Variants in MICAL3 observed in about 807,000 individuals in gnomAD.
MICAL3 encodes the protein microtubule associated monooxygenase, calponin and LIM domain containing 3, also known as [F-actin]-monooxygenase MICAL3.
In MICAL3, 62 loss-of-function variants were observed where a neutral mutation model predicts 207.4. The ratio of observed to expected loss-of-function variants is 0.30; its 90% CI spans 0.24 to 0.37. MICAL3 has a LOEUF of 0.37. MICAL3 is among the 10% of genes least tolerant of loss of function. The pLI, the probability that MICAL3 is intolerant of heterozygous loss-of-function variation, is 1.00. For missense variants in MICAL3, 2,368 were observed against 2,635.6 expected, an observed-to-expected ratio of 0.90 and a Z score of 2.22; for synonymous variants, 1,077 against 1,069.3, an observed-to-expected ratio of 1.01 and a Z score of -0.14.
At chr22:17,794,632 G>C (rs2061857009) in intron 29 of MICAL3, among the ~76,000 whole-genome samples, 1 of 152,174 alleles carries the variant, frequency 6.6e-6, no homozygotes, top group Non-Finnish European at 1.5e-5. Flanking sequence ...TTTCCTTCTG[G>C]CCCTTCTATG....
intron 29 of MICAL3, among the ~76,000 whole-genome samples, chr22:17,801,009 AC>A (rs1263776159): frequency 6.6e-6 from 1 of 152,170 alleles, no homozygotes; most frequent in African/African-American, 2.4e-5. Flanking sequence ...GGTGGGCAGA[AC>A]CCGAGAAGTC....
At chr22:17,863,109 C>G in intron 19 of MICAL3, 14 of 984,904 alleles carry the variant, frequency 1.4e-5, no homozygotes, top group Non-Finnish European at 1.7e-5. Context: ...TTCTTTAGAA[C>G]TCCTAAAAAC....
At chr22:17,950,632 C>T (rs919161561) in intron 1 of MICAL3, among the ~76,000 whole-genome samples, 1 of 152,132 alleles carries the variant, frequency 6.6e-6, no homozygotes, top group Non-Finnish European at 1.5e-5. Context: ...CCACTGCGCC[C>T]GGCCAGCTGT....
intron 22 of MICAL3, among the ~76,000 whole-genome samples, chr22:17,826,138 TCAACA>T (rs1345799628): frequency 6.6e-6 from 1 of 152,246 alleles, no homozygotes; most frequent in African/African-American, 2.4e-5. Flanking sequence ...CACCTCATTC[TCAACA>T]CATTTTAAAA....
intron 1 of MICAL3, among the ~76,000 whole-genome samples, chr22:18,010,717 G>A (rs776081920): frequency 1.8e-4 from 28 of 152,170 alleles, no homozygotes; most frequent in Non-Finnish European, 2.8e-4. Flanking sequence ...CCTCACTGCC[G>A]GGAGGTGGAG....
intron 21 of MICAL3, among the ~76,000 whole-genome samples, chr22:17,830,302 A>G (rs2146039645): frequency 6.6e-6 from 1 of 152,328 alleles, no homozygotes; most frequent in South Asian, 2.1e-4. Context: ...CGCTAGGGAC[A>G]CAGGCTCCGG....
At chr22:17,888,412 G>A (rs1230139337) in intron 13 of MICAL3, among the ~76,000 whole-genome samples, 1 of 148,412 alleles carries the variant, frequency 6.7e-6, no homozygotes, top group Non-Finnish European at 1.5e-5. Context: ...AAGATTTTTG[G>A]GAAGTGCTAA....
chr22:17,981,020 AC>A (rs1935884892), intron 1 of MICAL3: 1 of 441,162 alleles, frequency 2.3e-6, no homozygotes, highest in African/African-American at 2.0e-5. Flanking sequence ...TATTTACTTC[AC>A]CCACTGCAGT....
At chr22:17,822,275 C>T (rs1256864621) in intron 23 of MICAL3, 105 bp from the exon 24 acceptor site, 7 of 1,386,068 alleles carry the variant, frequency 5.1e-6, no homozygotes, top group Non-Finnish European at 5.8e-6. Context: ...CACAGCTGCT[C>T]AGGTGCAGGC....
intron 1 of MICAL3, among the ~76,000 whole-genome samples, chr22:17,969,122 A>G (rs1424396618): frequency 1.3e-5 from 2 of 152,046 alleles, no homozygotes; most frequent in Non-Finnish European, 2.9e-5. Context: ...AGCTCACTGC[A>G]ACCTCCACCT....
rs780901612 is a variant in MICAL3, at chr22:17,871,891, C to T, written c.2374G>A (p.Glu792Lys). The T allele has an allele frequency of 6.8e-6, 11 of 1,611,388 alleles. No individual in the cohort carries two copies. Among genetic ancestry groups the T allele is most frequent in the African/African-American group, 2.7e-5 (2 of 74,932 alleles). Residue 792 changes from glutamate to lysine, a missense_variant, in exon 17 of 32, where the codon GAG (glutamate) becomes AAG (lysine). Transcript: ENST00000441493. ...KFFHRSCFKC[E>K]YCATTLRLSA... ...AGGCGCAGGGTGGTGGCGCAGTACT[C>T]GCACTTGAAGCAGCTCCGGTGGAAG...
chr22:17,985,739 G>C (rs1028966748), intron 1 of MICAL3, among the ~76,000 whole-genome samples: 1 of 152,022 alleles, frequency 6.6e-6, no homozygotes, highest in Admixed American at 6.6e-5. Flanking sequence ...CAGCAGAATC[G>C]AGGCTTTCTC....
At chr22:17,876,910 GGGAGGTTATGGAGGTTAGGGAGGTT>G (rs1928555837) in intron 16 of MICAL3, 1 of 75,280 alleles carries the variant, frequency 1.3e-5, no homozygotes, top group East Asian at 3.7e-4. Context: ...AGGGAGGTTA[GGGAGGTTATGGAGGTTAGGGAGGTT>G]AGGGAGGTTA....
At chr22:17,873,177 G>T (rs114170616) in intron 16 of MICAL3, among the ~76,000 whole-genome samples, 1 of 152,234 alleles carries the variant, frequency 6.6e-6, no homozygotes, top group African/African-American at 2.4e-5. Context: ...GGGCGAACGC[G>T]CACAGAGACA....
At chr22:18,006,845 C>CAA (rs1491395249) in intron 1 of MICAL3, among the ~76,000 whole-genome samples, 1 of 151,854 alleles carries the variant, frequency 6.6e-6, no homozygotes, top group African/African-American at 2.4e-5. Flanking sequence ...CACACACACA[C>CAA]AAAAAAATTC....
intron 21 of MICAL3, among the ~76,000 whole-genome samples, chr22:17,829,158 A>C (rs1460681471): frequency 6.9e-6 from 1 of 144,504 alleles, no homozygotes; most frequent in Non-Finnish European, 1.5e-5. Context: ...TTCTGAGGTG[A>C]ATTTGCCTTT....
At position 17,843,640 on chromosome 22, in the gene MICAL3, G is replaced by A. The variant is rs113953751; in HGVS notation, c.2606-1623C>T. On this transcript the variant is annotated intron_variant, in intron 19 of 31. Coordinates refer to ENST00000441493, the MANE Select transcript of MICAL3 (RefSeq NM_015241.3). The stretch of plus-strand genomic sequence containing the variant: ...TGTTGACCCTGCACCCCACACACAC[G>A]GTCACCTTCCTCTTCCACTTAACGC... 5.8e-3 allele frequency among the ~76,000 whole-genome samples: 881 copies of A among 152,252 alleles called. 7 individuals are homozygous for A. The highest frequency in any genetic ancestry group is 0.02 in the African/African-American group (813 of 41,538).
Position 17,877,212 on chromosome 22 carries a change from G to C in MICAL3, c.2242-5189C>G, listed in dbSNP as rs1364263130. On this transcript the variant is annotated intron_variant, in intron 16 of 31. Transcript: ENST00000441493. ...TATGGAGGTTAGGGAGGTTATGGAG[G>C]TTATGGAGGTTAGGGAGGTTATGGA... is the stretch of plus-strand genomic sequence containing the variant. Among the ~76,000 whole-genome samples the C allele has an allele frequency of 1.4e-3, 147 of 108,458 alleles. 1 individual carries two copies. The highest frequency in any genetic ancestry group is 5.0e-3 in the Admixed American group (50 of 9,992). The allele number at this position is 108,458 out of a possible 152,430, so 71.2% of individuals were successfully genotyped here. A position where few individuals can be genotyped will look rare whatever the true frequency, so the allele number is the denominator to read the frequency against.
chr22:17,850,904 G>A (rs943466260), intron 19 of MICAL3, among the ~76,000 whole-genome samples: 2 of 152,156 alleles, frequency 1.3e-5, no homozygotes, highest in Admixed American at 6.5e-5. Context: ...TCCTGAAAAC[G>A]TATTTTTCAC....
Sources: allele counts gnomAD v4.1 joint callset (sites outside exome capture counted in the v4.1 genomes callset), GRCh38; gene constraint gnomAD v4.1.1; transcripts MANE v1.5; gene names NCBI Gene and HGNC (gene_info 2026-07-23, HGNC 2026-07-21).